CNTN4: variants seen among roughly 807,000 people sequenced by gnomAD.
The protein encoded by CNTN4 is contactin 4.
CNTN4 carries 77 observed loss-of-function variants against 122.5 expected under a neutral mutation model. The ratio of observed to expected loss-of-function variants is 0.63; its 90% CI spans 0.52 to 0.76. The LOEUF (loss-of-function observed/expected upper bound fraction) is 0.76. Among genes scored for constraint, CNTN4 ranks in the 30% least tolerant of loss-of-function variants. The pLI, the probability that CNTN4 is intolerant of heterozygous loss-of-function variation, is 0.00. For missense variants in CNTN4, 1,256 were observed against 1,259.1 expected, an observed-to-expected ratio of 1.00 and a Z score of 0.04; for synonymous variants, 512 against 447.0, an observed-to-expected ratio of 1.15 and a Z score of -1.83.
chr3:2,209,501 G>A (rs1224672448), intron 2 of CNTN4, among the ~76,000 whole-genome samples: 1 of 151,984 alleles, frequency 6.6e-6, no homozygotes, highest in Admixed American at 6.6e-5. Context: ...GTGTATAATG[G>A]TAACACTGAG....
intron 4 of CNTN4, among the ~76,000 whole-genome samples, chr3:2,574,156 C>T (rs982511540): frequency 1.5e-4 from 23 of 152,286 alleles, no homozygotes; most frequent in African/African-American, 3.6e-4. Flanking sequence ...GCGGAGGTTG[C>T]GGTGAGCCGA....
chr3:2,754,127 G>A (rs4684352), intron 6 of CNTN4, among the ~76,000 whole-genome samples: 135,778 of 152,182 alleles, frequency 0.89, 60,661 homozygotes, highest in Admixed American at 0.93. Flanking sequence ...CTACATGTGA[G>A]AAAGATGAAC....
rs149606442 is a variant in CNTN4, at chr3:2,541,077, A to G, written c.-88-30339A>G. 7.0e-4 allele frequency among the ~76,000 whole-genome samples: 107 copies of G among 152,284 alleles called. No homozygotes were observed. In the Middle Eastern group the frequency reaches 0.01, roughly 15 times the overall value. On this transcript the variant is annotated intron_variant, in intron 3 of 24. Transcript: ENST00000418658. The stretch of plus-strand genomic sequence containing the variant: ...TCCTTATCTCCAAGTCTAATCTCCT[A>G]TCTTTCTTCAGCTATCTTCTGGGTC...
At chr3:2,565,616 G>A (rs2079125302) in intron 3 of CNTN4, among the ~76,000 whole-genome samples, 1 of 152,124 alleles carries the variant, frequency 6.6e-6, no homozygotes, top group Admixed American at 6.5e-5. Context: ...TGTGGGCGGA[G>A]ACCTTGACCC....
At chr3:2,251,444 G>C (rs1019875460) in intron 2 of CNTN4, among the ~76,000 whole-genome samples, 1 of 151,836 alleles carries the variant, frequency 6.6e-6, no homozygotes, top group African/African-American at 2.4e-5. Flanking sequence ...TCAGAGTCTG[G>C]AAACAGGGCT....
At chr3:2,413,884 C>G (rs2047317480) in intron 3 of CNTN4, among the ~76,000 whole-genome samples, 1 of 152,156 alleles carries the variant, frequency 6.6e-6, no homozygotes, top group Non-Finnish European at 1.5e-5. Flanking sequence ...TTCTGACTAC[C>G]TACCATTTAT....
rs1055574801 is a variant in CNTN4, at chr3:2,941,126, A to G, written c.1358+15347A>G. The stretch of plus-strand genomic sequence containing the variant: ...GAAAACAATGCAATTTAAAATTACT[A>G]TTATCCTTTCTCATTTTCTCAAGGA... On this transcript the variant is annotated intron_variant, in intron 13 of 24. Transcript: ENST00000418658. Among the ~76,000 whole-genome samples the G allele has an allele frequency of 2.6e-5, 4 of 152,120 alleles. 1 individual carries two copies. The highest frequency in any genetic ancestry group is 4.4e-5 in the Non-Finnish European group (3 of 68,014).
At chr3:2,867,038 G>T in intron 8 of CNTN4, 89 bp downstream of exon 8, 1 of 1,183,798 alleles carries the variant, frequency 8.4e-7, no homozygotes, top group Non-Finnish European at 1.2e-6. Flanking sequence ...ATGAAGCTTT[G>T]TTGTCTAAAT....
chr3:3,024,914 A>G (rs1000624192), intron 14 of CNTN4, among the ~76,000 whole-genome samples: 10 of 152,150 alleles, frequency 6.6e-5, no homozygotes, highest in Non-Finnish European at 1.3e-4. Context: ...TCCCGCGACT[A>G]TGGGAGAGGA....
At chr3:2,511,576 A>G (rs1319722527) in intron 3 of CNTN4, 1 of 152,244 alleles carries the variant, frequency 6.6e-6, no homozygotes, top group African/African-American at 2.4e-5. Flanking sequence ...TAAGCAATCC[A>G]TAAGGGCCTG....
chr3:2,579,187 A>G (rs2149548824), intron 4 of CNTN4, among the ~76,000 whole-genome samples: 1 of 152,340 alleles, frequency 6.6e-6, no homozygotes, highest in East Asian at 1.9e-4. Flanking sequence ...AAACTCCCTT[A>G]CTGATAGAGT....
chr3:2,290,115 C>CA (rs1302347241), intron 2 of CNTN4, among the ~76,000 whole-genome samples: 2 of 151,966 alleles, frequency 1.3e-5, no homozygotes, highest in African/African-American at 4.8e-5. Context: ...AAAATAACAA[C>CA]AAAAATGTGG....
At chr3:2,667,374 C>T (rs1016353906) in intron 4 of CNTN4, among the ~76,000 whole-genome samples, 5 of 152,142 alleles carry the variant, frequency 3.3e-5, no homozygotes, top group Non-Finnish European at 5.9e-5. Flanking sequence ...TGTCTTTTGG[C>T]TGCATAAATG....
At chr3:2,362,652 G>C (rs1016233160) in intron 3 of CNTN4, 5 of 413,810 alleles carry the variant, frequency 1.2e-5, no homozygotes, top group Non-Finnish European at 2.3e-5. Context: ...ATACCAACTT[G>C]AGATCAATGA....
intron 7 of CNTN4, among the ~76,000 whole-genome samples, chr3:2,849,954 AATGTTTCC>A (rs1242777207): frequency 2.6e-5 from 4 of 151,582 alleles, no homozygotes; most frequent in Non-Finnish European, 4.4e-5. Context: ...TCTTATATGA[AATGTTTCC>A]ATTTTGGAAA....
intron 4 of CNTN4, among the ~76,000 whole-genome samples, chr3:2,708,584 G>A (rs768074917): frequency 2.0e-5 from 3 of 152,130 alleles, no homozygotes; most frequent in Non-Finnish European, 4.4e-5. Flanking sequence ...TGGGACTGAG[G>A]CTCTAAAACT....
At chr3:2,325,657 G>A (rs1380933824) in intron 2 of CNTN4, among the ~76,000 whole-genome samples, 4 of 152,202 alleles carry the variant, frequency 2.6e-5, no homozygotes, top group Admixed American at 6.5e-5. Flanking sequence ...TCTCTTTGCT[G>A]TACAACAAGG....
At chr3:2,248,956 C>T (rs1153508) in intron 2 of CNTN4, among the ~76,000 whole-genome samples, 13,179 of 151,856 alleles carry the variant, frequency 0.087, 613 homozygotes, top group African/African-American at 0.12. Context: ...ACCCTCCAAA[C>T]GCATAAGGAG....
At chr3:2,824,863 A>G (rs527843833) in intron 7 of CNTN4, among the ~76,000 whole-genome samples, 7 of 152,124 alleles carry the variant, frequency 4.6e-5, no homozygotes, top group South Asian at 4.2e-4. Context: ...AGGTTTCACC[A>G]TGTTGGCCAG....
Sources: gnomAD v4.1 joint callset for allele counts (sites outside exome capture counted in the v4.1 genomes callset) on GRCh38, gnomAD v4.1.1 for gene constraint, MANE v1.5 for transcripts, NCBI Gene and HGNC (gene_info 2026-07-23, HGNC 2026-07-21) for gene names.